The following ARSG variants were observed in gnomAD, a reference collection of about 807,000 sequenced individuals.
ARSG encodes the protein ASG.
Under a neutral mutation model 50.5 loss-of-function variants are expected in ARSG, and 37 were observed. That is an observed-to-expected ratio of 0.73 (90% confidence interval 0.56 to 0.96). ARSG has a LOEUF of 0.96. Among genes scored for constraint, ARSG ranks in the 50% least tolerant of loss-of-function variants. The pLI is 0.00. For synonymous variants in ARSG, 225 were observed against 254.6 expected, an observed-to-expected ratio of 0.88 and a Z score of 1.11; for missense variants, 629 against 675.3, an observed-to-expected ratio of 0.93 and a Z score of 0.76.
At chr17:68,406,547 G>GT (rs928337038) in intron 11 of ARSG, among the ~76,000 whole-genome samples, 1 of 152,102 alleles carries the variant, frequency 6.6e-6, no homozygotes, top group African/African-American at 2.4e-5. Flanking sequence ...AACATCTACT[G>GT]TTTTTTGATT....
intron 7 of ARSG, 115 bp downstream of exon 7, chr17:68,368,859 T>C: frequency 8.3e-7 from 1 of 1,205,590 alleles, no homozygotes. Context: ...GGAGGCTTGC[T>C]TTGAACTTGT....
rs2081168294 is a variant in ARSG, at chr17:68,394,969, G to T, written c.1092-104G>T. The T allele has an allele frequency of 8.6e-6, 13 of 1,512,818 alleles. No individual in the cohort carries two copies. The Admixed American group carries it at 2.4e-4, about 28-fold the overall frequency. The allele number at this position is 1,512,818 out of a possible 1,614,324, so 93.7% of individuals were successfully genotyped here. A position where few individuals can be genotyped will look rare whatever the true frequency, so the allele number is the denominator to read the frequency against. On this transcript the variant is annotated intron_variant, in intron 9 of 11. Transcript: ENST00000621439. ...GAAGTTAAGCCAGCCCATAGGAGAG[G>T]CTGTGGGTGCTTGCTCTGGGCTGGT...
intron 1 of ARSG, among the ~76,000 whole-genome samples, chr17:68,300,483 C>T (rs1352982684): frequency 1.3e-5 from 2 of 152,150 alleles, no homozygotes; most frequent in South Asian, 2.1e-4. Context: ...TTCCAGTGAG[C>T]GAATTTCAGA....
intron 2 of ARSG, among the ~76,000 whole-genome samples, chr17:68,310,191 C>G (rs781873264): frequency 6.6e-6 from 1 of 152,020 alleles, no homozygotes; most frequent in African/African-American, 2.4e-5. Flanking sequence ...AACTCCCAAC[C>G]TCAGGTGATC....
In ARSG at chr17:68,299,100, CTTTT is replaced by C. The variant is rs201821256; in HGVS notation, c.-552+7551_-552+7554del. Among the ~76,000 whole-genome samples, 103 of 105,542 alleles carry C rather than the reference CTTTT, an allele frequency of 9.8e-4. 1 individual carries two copies. Among genetic ancestry groups the C allele is most frequent in the Non-Finnish European group, 1.3e-3 (70 of 54,764 alleles). 69.2% of individuals were successfully genotyped at this position (105,542 alleles called of 152,430 possible). ...AAATGACAAAGGGAAAAAAATTGAA[CTTTT>C]TTTTTTTTTTTTTTTTTTGAGACAG... On this transcript the variant is annotated intron_variant, in intron 1 of 11. Coordinates refer to ENST00000621439, the MANE Select transcript of ARSG (RefSeq NM_001267727.2).
chr17:68,424,171 G>A (rs894705937), downstream of ARSG, among the ~76,000 whole-genome samples: 1 of 152,202 alleles, frequency 6.6e-6, no homozygotes, highest in Admixed American at 6.5e-5. Context: ...AGGTTTTGAA[G>A]TTTATAATTA....
intron 11 of ARSG, among the ~76,000 whole-genome samples, chr17:68,401,908 A>C (rs943569266): frequency 3.3e-5 from 5 of 152,186 alleles, no homozygotes; most frequent in African/African-American, 1.2e-4. Flanking sequence ...TCTTAGATGT[A>C]TACTTTAGAA....
the ARSG span, chr17:68,450,973 C>T: frequency 6.5e-6 from 10 of 1,528,606 alleles, no homozygotes; most frequent in Non-Finnish European, 8.8e-6. Context: ...TGACACTGGG[C>T]CCGGCGCAGG....
intron 5 of ARSG, among the ~76,000 whole-genome samples, chr17:68,352,119 G>GAGAGAGAGAGAGAGAGAAAGAGGAGA (rs1555779523): frequency 1.4e-5 from 1 of 73,004 alleles, no homozygotes; most frequent in Non-Finnish European, 3.1e-5. Flanking sequence ...GAGAGACAGA[G>GAGAGAGAGAGAGAGAGAAAGAGGAGA]GAGAGAGAGA....
chr17:68,423,860 C>A (rs1241232989), downstream of ARSG, among the ~76,000 whole-genome samples: 2 of 152,150 alleles, frequency 1.3e-5, no homozygotes, highest in Admixed American at 6.5e-5. This position sits in a 1 kb window ranked among gnomAD's most constrained non-coding sequence, Gnocchi z 4.4. Flanking sequence ...TAAGAGGTTG[C>A]AAGGCTTACT....
intron 1 of ARSG, chr17:68,278,429 T>G: frequency 4.4e-6 from 3 of 679,482 alleles, no homozygotes; most frequent in Non-Finnish European, 5.0e-6. Flanking sequence ...TTACCCCATT[T>G]CTTAAGTTGT....
chr17:68,409,345 G>T (rs2081898257), intron 11 of ARSG, among the ~76,000 whole-genome samples: 1 of 150,454 alleles, frequency 6.6e-6, no homozygotes, highest in South Asian at 2.1e-4. Flanking sequence ...CATATGGCTA[G>T]CCAGTTTTCT....
chr17:68,303,122 T>C (rs782605285), intron 1 of ARSG, among the ~76,000 whole-genome samples: 10 of 152,124 alleles, frequency 6.6e-5, no homozygotes, highest in Non-Finnish European at 1.3e-4. Context: ...TATAGCTGTA[T>C]GTTTGGAGGT....
rs116394509 is a variant in ARSG, at chr17:68,382,526, T to C, written c.983-2538T>C. 6.8e-3 allele frequency among the ~76,000 whole-genome samples: 1,039 copies of C among 152,298 alleles called. 12 individuals carry two copies. The highest frequency in any genetic ancestry group is 0.024 in the African/African-American group (986 of 41,568). On this transcript the variant is annotated intron_variant, in intron 8 of 11. Coordinates refer to ENST00000621439, the MANE Select transcript of ARSG (RefSeq NM_001267727.2). ...TGGGAGCAGGTATTACTGAAGAATA[T>C]TGGGGGATCAGGAGTAGCTATCCTA...
At position 68,331,205 on chromosome 17, in the gene ARSG, C is replaced by T. The variant is rs377708409; in HGVS notation, c.219-12399C>T. Among the ~76,000 whole-genome samples the T allele has an allele frequency of 2.3e-3, 95 of 41,334 alleles. 1 individual carries two copies. The East Asian group carries it at 0.04, about 18-fold the overall frequency. 27.1% of individuals were successfully genotyped at this position (41,334 alleles called of 152,430 possible). A position where few individuals can be genotyped will look rare whatever the true frequency, so the allele number is the denominator to read the frequency against. ...TCTTTCTTTCTTTCTTTCTTTCTTT[C>T]TTTCTTTCTTTCTTTCTTTCTTTCT... On this transcript the variant is annotated intron_variant, in intron 2 of 11. Transcript: ENST00000621439.
the ARSG span, among the ~76,000 whole-genome samples, chr17:68,429,180 G>A: frequency 2.0e-5 from 3 of 151,558 alleles, no homozygotes; most frequent in East Asian, 2.0e-4. Context: ...TAGATGCTGC[G>A]ACCCTGCGAG....
At chr17:68,342,551 G>A (rs989960095) in intron 2 of ARSG, among the ~76,000 whole-genome samples, 1 of 151,744 alleles carries the variant, frequency 6.6e-6, no homozygotes, top group Non-Finnish European at 1.5e-5. Context: ...GTAGAGACAG[G>A]GTTTCACCAT....
chr17:68,278,443 A>ATATTTATT, intron 1 of ARSG: 3 of 638,150 alleles, frequency 4.7e-6, no homozygotes, highest in Admixed American at 2.9e-5. Context: ...AAGTTGTTGA[A>ATATTTATT]TATTTATTTA....
chr17:68,352,159 G>GAC (rs2078820946), intron 5 of ARSG, among the ~76,000 whole-genome samples: 2 of 68,776 alleles, frequency 2.9e-5, no homozygotes, highest in African/African-American at 4.2e-5. Context: ...GAGAGAGAGA[G>GAC]AGACAGAGAG....
Sources: gnomAD v4.1 joint callset for allele counts (sites outside exome capture counted in the v4.1 genomes callset) on GRCh38, gnomAD v4.1.1 for gene constraint, Gnocchi (gnomAD v3.1) non-coding constraint, MANE v1.5 for transcripts, NCBI Gene and HGNC (gene_info 2026-07-23, HGNC 2026-07-21) for gene names.